The following ACADM variants were observed in gnomAD, a reference collection of about 807,000 sequenced individuals.
The protein encoded by ACADM is acyl-CoA dehydrogenase medium chain, also known as medium-chain specific acyl-CoA dehydrogenase, mitochondrial.
Under a neutral mutation model 58.9 loss-of-function variants are expected in ACADM, and 49 were observed. The ratio of observed to expected loss-of-function variants is 0.83; its 90% CI spans 0.66 to 1.06. The LOEUF (loss-of-function observed/expected upper bound fraction) is 1.06. ACADM is among the 50% of genes least tolerant of loss of function. The pLI is 0.00. For synonymous variants in ACADM, 160 were observed against 157.7 expected (o/e 1.01, Z -0.11); for missense variants, 496 against 507.0 (o/e 0.98, Z 0.21).
chr1:75,730,660 G>A lies in ACADM; in HGVS notation c.119-1984G>A, dbSNP rs116076793. The stretch of plus-strand genomic sequence containing the variant: ...GCTTCCTGAGCAGTTAGGACAATAG[G>A]TCCATGTCAACCACACCTAGCTGAT... On this transcript the variant is annotated intron_variant, in intron 2 of 11. Transcript: ENST00000370841. 6.2e-3 allele frequency among the ~76,000 whole-genome samples: 937 copies of A among 151,682 alleles called. 12 individuals carry two copies. Among genetic ancestry groups the A allele is most frequent in the African/African-American group, 0.022 (902 of 41,318 alleles).
Position 75,743,450 on chromosome 1 carries a change from C to T in ACADM, c.600-2356C>T. The T allele has an allele frequency of 5.0e-6, 8 of 1,610,960 alleles. No homozygotes were observed. In the South Asian group the frequency reaches 7.7e-5, roughly 15 times the overall value. ...TCAAAGAGGAGGACTCTGGGATCCT[C>T]TACCGCTGCCTTGATTTTGCGGAGG... On this transcript the variant is annotated intron_variant, in intron 7 of 11. Transcript: ENST00000370841.
intron 7 of ACADM, chr1:75,744,687 G>A (rs567750234): frequency 3.7e-6 from 3 of 809,344 alleles, no homozygotes; most frequent in South Asian, 2.7e-5. Context: ...CCCCAGGCAG[G>A]GAATGTCTCC....
chr1:75,744,748 C>T (rs1414282495), intron 7 of ACADM: 11 of 723,100 alleles, frequency 1.5e-5, no homozygotes, highest in East Asian at 5.2e-5. Context: ...GCTGAACGCC[C>T]GGGACACAGT....
intron 10 of ACADM, 48 bp downstream of exon 10, chr1:75,750,594 T>A: frequency 8.3e-7 from 1 of 1,200,794 alleles, no homozygotes; most frequent in South Asian, 1.3e-5. Context: ...ACACTCATTT[T>A]CATTTAATAT....
At position 75,733,578 on chromosome 1, in the gene ACADM, G is replaced by C. The variant is rs1570863351; in HGVS notation, c.337G>C (p.Ala113Pro). The part of the protein sequence containing the change: ...FDACLISEEL[A>P]YGCTGVQTAI... ...TGCTTGTTTAATTAGTGAAGAATTG[G>C]CTTATGGATGTACAGGGGTTCAGAC... Residue 113 changes from alanine (A) to proline (P), a missense_variant, in exon 5 of 12, where the codon GCT becomes CCT. Physicochemically the swap from Ala to Pro is conservative, Grantham distance 27. Transcript: ENST00000370841. 1 of 1,614,102 alleles carries C rather than the reference G, an allele frequency of 6.2e-7. No homozygotes were observed. Among genetic ancestry groups the C allele is most frequent in the Non-Finnish European group, 8.5e-7 (1 of 1,180,018 alleles).
rs1647164014 is a variant in ACADM at position 75,732,529 on chromosome 1, T to G, written c.119-115T>G. 3.5e-6 allele frequency: 3 copies of G among 865,942 alleles called. No individual in the cohort carries two copies. In the South Asian group the frequency reaches 4.1e-5, roughly 12 times the overall value. The allele number at this position is 865,942 out of a possible 1,614,324, so 53.6% of individuals were successfully genotyped here. ...TCAAAAAATGCACTGTAGTCTGAGT[T>G]TCTGATAATCAAGGATTTAAGTCCC... is the stretch of plus-strand genomic sequence containing the variant. On this transcript the variant is annotated intron_variant, in intron 2 of 11. Coordinates refer to ENST00000370841, the MANE Select transcript of ACADM (RefSeq NM_000016.6).
chr1:75,745,604 T>C, intron 7 of ACADM: 1 of 590,534 alleles, frequency 1.7e-6, no homozygotes, highest in Non-Finnish European at 3.0e-6. Flanking sequence ...CCTACTGTGT[T>C]ATTAAGACAT....
At chr1:75,730,597 A>G (rs1410541369) in intron 2 of ACADM, among the ~76,000 whole-genome samples, 1 of 151,410 alleles carries the variant, frequency 6.6e-6, no homozygotes, top group Admixed American at 6.6e-5. Context: ...GCTGGATGCA[A>G]CCTTGACCTC....
chr1:75,744,902 C>T (rs1372518065), intron 7 of ACADM: 2 of 363,236 alleles, frequency 5.5e-6, no homozygotes, highest in African/African-American at 4.2e-5. Context: ...CCAGTTTCAA[C>T]AGGCATAGAC....
At chr1:75,737,043 T>C (rs1022601208) in intron 6 of ACADM, among the ~76,000 whole-genome samples, 1 of 151,868 alleles carries the variant, frequency 6.6e-6, no homozygotes, top group Non-Finnish European at 1.5e-5. Flanking sequence ...TTTTCTGTAC[T>C]GTTGAATGTT....
intron 7 of ACADM, chr1:75,744,302 G>A (rs1647762455): frequency 6.2e-7 from 1 of 1,613,562 alleles, no homozygotes; most frequent in African/African-American, 1.3e-5. Context: ...GCAGCAGCAG[G>A]AGCTTCAGCC....
intron 6 of ACADM, among the ~76,000 whole-genome samples, chr1:75,739,293 T>C (rs758180900): frequency 6.6e-6 from 1 of 152,224 alleles, no homozygotes; most frequent in Non-Finnish European, 1.5e-5. Context: ...TCTTCACTGT[T>C]ACATTGTGAA....
chr1:75,732,725 A>T lies in ACADM; in HGVS notation c.200A>T (p.Tyr67Phe), dbSNP rs796051897. ...REEIIPVAAE[Y>F]DKTGEYPVPL... is the part of the protein sequence containing the mutation. The stretch of plus-strand genomic sequence containing the variant: ...GAAATCATCCCAGTGGCTGCAGAAT[A>T]TGATAAAACTGGTGAAGTAGGTATA... The change falls in exon 3 of 12, where the codon TAT becomes TTT. Residue 67 changes from tyrosine to phenylalanine, a missense_variant. Transcript: ENST00000370841. 4 of 1,613,806 alleles carry T rather than the reference A, an allele frequency of 2.5e-6. No individual in the cohort carries two copies. The highest frequency in any genetic ancestry group is 3.4e-6 in the Non-Finnish European group (4 of 1,179,698).
intron 2 of ACADM, among the ~76,000 whole-genome samples, chr1:75,729,995 A>G (rs906958858): frequency 6.8e-6 from 1 of 147,254 alleles, no homozygotes; most frequent in Non-Finnish European, 1.5e-5. Flanking sequence ...CCTGGGTTCA[A>G]GCGATTCTCC....
At chr1:75,726,703 C>G (rs1570848524) in intron 1 of ACADM, among the ~76,000 whole-genome samples, 1 of 152,172 alleles carries the variant, frequency 6.6e-6, no homozygotes, top group East Asian at 1.9e-4. Flanking sequence ...CTAGACTTGA[C>G]CTGGGATTCA....
chr1:75,760,944 C>T (rs1044916131), intron 10 of ACADM, among the ~76,000 whole-genome samples, 178 bp from the exon 11 acceptor site: 1 of 152,076 alleles, frequency 6.6e-6, no homozygotes, highest in Non-Finnish European at 1.5e-5. Context: ...CAGTGGCTCA[C>T]GCCTGTAATC....
At chr1:75,724,875 C>T in intron 1 of ACADM, 58 bp downstream of exon 1, 4 of 1,374,100 alleles carry the variant, frequency 2.9e-6, no homozygotes, top group Non-Finnish European at 3.8e-6. Context: ...GGTGTCGGAG[C>T]AGGGGGCCCT....
At chr1:75,752,955 T>G (rs567408074) in intron 10 of ACADM, among the ~76,000 whole-genome samples, 1 of 152,326 alleles carries the variant, frequency 6.6e-6, no homozygotes, top group Admixed American at 6.5e-5. Context: ...CTAAGAGCTG[T>G]TATTTTACAT....
At chr1:75,747,339 T>C (rs1146581) in intron 8 of ACADM, among the ~76,000 whole-genome samples, 1 of 151,942 alleles carries the variant, frequency 6.6e-6, no homozygotes, top group Admixed American at 6.6e-5. Flanking sequence ...CAGTATTCTA[T>C]CTATTAGGGA....
Sources: gnomAD v4.1 joint callset for allele counts (sites outside exome capture counted in the v4.1 genomes callset) on GRCh38, gnomAD v4.1.1 for gene constraint, MANE v1.5 for transcripts, NCBI Gene and HGNC (gene_info 2026-07-23, HGNC 2026-07-21) for gene names.